Variants in IMPG1 observed in about 807,000 individuals in gnomAD.
The protein encoded by IMPG1 is interphotoreceptor matrix proteoglycan 1.
Under a neutral mutation model 92.0 loss-of-function variants are expected in IMPG1, and 85 were observed. That is an observed-to-expected ratio of 0.92 (90% confidence interval 0.78 to 1.11). The LOEUF (loss-of-function observed/expected upper bound fraction) is 1.11, where lower values mean the gene tolerates loss of function less well. Among genes scored for constraint, IMPG1 ranks in the 50% least tolerant of loss-of-function variants. The pLI, the probability that IMPG1 is intolerant of heterozygous loss-of-function variation, is 0.00. For missense variants in IMPG1, 1,022 were observed against 956.0 expected (o/e 1.07, Z -0.91); for synonymous variants, 367 against 334.1 (o/e 1.10, Z -1.08).
chr6:76,065,663 A>T (rs1784297037), intron 1 of IMPG1, among the ~76,000 whole-genome samples: 1 of 152,110 alleles, frequency 6.6e-6, no homozygotes, highest in African/African-American at 2.4e-5. Flanking sequence ...ATAATTTAGG[A>T]AATTCAGGAA....
intron 1 of IMPG1, among the ~76,000 whole-genome samples, chr6:76,044,780 T>G (rs910095115): frequency 1.3e-5 from 2 of 152,178 alleles, no homozygotes; most frequent in African/African-American, 4.8e-5. Flanking sequence ...TACTCTACCC[T>G]GGCTCTGGGA....
At chr6:75,948,409 T>C (rs1459114705) in intron 13 of IMPG1, among the ~76,000 whole-genome samples, 1 of 152,110 alleles carries the variant, frequency 6.6e-6, no homozygotes, top group Non-Finnish European at 1.5e-5. Context: ...CCAGAAAGCA[T>C]AGAGATGCAA....
intron 4 of IMPG1, among the ~76,000 whole-genome samples, chr6:76,030,508 G>A (rs944251536): frequency 2.6e-4 from 39 of 152,036 alleles, no homozygotes; most frequent in East Asian, 1.9e-4. Flanking sequence ...CTCTCTTCAC[G>A]GATAGGTAAT....
intron 1 of IMPG1, among the ~76,000 whole-genome samples, chr6:76,052,221 G>A (rs1054538648): frequency 6.6e-6 from 1 of 152,132 alleles, no homozygotes; most frequent in East Asian, 1.9e-4. Flanking sequence ...GAAGAGGTAG[G>A]AGTCTAGCAG....
chr6:76,064,929 C>A (rs1784281877), intron 1 of IMPG1, among the ~76,000 whole-genome samples: 1 of 152,112 alleles, frequency 6.6e-6, no homozygotes, highest in South Asian at 2.1e-4. Flanking sequence ...TGAACTTGCT[C>A]ACATGCCTAG....
intron 4 of IMPG1, among the ~76,000 whole-genome samples, chr6:76,027,962 GC>G (rs1221825774): frequency 1.3e-5 from 2 of 152,158 alleles, no homozygotes; most frequent in African/African-American, 4.8e-5. Flanking sequence ...AGTCCAGAGA[GC>G]CCCTAGAATG....
chr6:76,026,339 A>C (rs147183708), intron 4 of IMPG1, among the ~76,000 whole-genome samples: 2 of 152,318 alleles, frequency 1.3e-5, no homozygotes, highest in East Asian at 3.9e-4. Context: ...TGGTGAGTGA[A>C]ATGGGGACTC....
At chr6:76,055,490 T>C (rs1933482) in intron 1 of IMPG1, among the ~76,000 whole-genome samples, 151,552 of 151,884 alleles carry the variant, frequency 1, 75,610 homozygotes, top group Non-Finnish European at 1. Context: ...GCATCCATCT[T>C]AAAAGAGTGG....
In IMPG1 at chr6:76,034,313, G is replaced by A. The variant is rs1452139379; in HGVS notation, c.497+2C>T. ...CACACACACTCTATTTTGGGTACTT[G>A]CCTGTCAGGGAAACTTCTCTGTTTT... On this transcript the variant is annotated splice_donor_variant, in intron 4 of 16. Transcript: ENST00000369950. LOFTEE classifies it low-confidence loss of function (GC_TO_GT_DONOR). 4 of 1,612,620 alleles carry A rather than the reference G, an allele frequency of 2.5e-6. No individual in the cohort carries two copies. Among genetic ancestry groups the A allele is most frequent in the Non-Finnish European group, 3.4e-6 (4 of 1,178,848 alleles).
At chr6:75,994,669 G>C (rs1472734690) in intron 12 of IMPG1, among the ~76,000 whole-genome samples, 1 of 152,154 alleles carries the variant, frequency 6.6e-6, no homozygotes, top group Admixed American at 6.5e-5. Flanking sequence ...CACTATCACA[G>C]AACAGCACGG....
rs186780132 is a variant in IMPG1, at chr6:75,961,889, G to A, written c.1292-10795C>T. 7.7e-4 allele frequency among the ~76,000 whole-genome samples: 117 copies of A among 152,178 alleles called. 2 individuals carry two copies. The highest frequency in any genetic ancestry group is 7.2e-3 in the Admixed American group (110 of 15,292). Reference sequence around the variant, plus strand: ...TTTTTCCCAGGCACCTTTTCTTAGCGTGTGTTTACCTAAAATGAGGTTGTA... The same window carrying A: ...TTTTTCCCAGGCACCTTTTCTTAGCATGTGTTTACCTAAAATGAGGTTGTA... On this transcript the variant is annotated intron_variant, in intron 12 of 16. Transcript: ENST00000369950.
At chr6:75,996,406 G>A (rs1450796448) in intron 12 of IMPG1, among the ~76,000 whole-genome samples, 1 of 152,152 alleles carries the variant, frequency 6.6e-6, no homozygotes, top group Non-Finnish European at 1.5e-5. Context: ...GGAAGGAAGA[G>A]AAAGATGCAA....
At chr6:76,047,667 C>A (rs1384229671) in intron 1 of IMPG1, among the ~76,000 whole-genome samples, 1 of 151,954 alleles carries the variant, frequency 6.6e-6, no homozygotes, top group Non-Finnish European at 1.5e-5. Context: ...GACAGAGATG[C>A]AATACATATT....
At chr6:75,932,424 A>G (rs1781681230) in intron 14 of IMPG1, among the ~76,000 whole-genome samples, 1 of 152,110 alleles carries the variant, frequency 6.6e-6, no homozygotes, top group South Asian at 2.1e-4. Flanking sequence ...TATTTTGATG[A>G]CCCTCTTTAC....
At chr6:75,965,011 C>T (rs1582071057) in intron 12 of IMPG1, among the ~76,000 whole-genome samples, 1 of 152,130 alleles carries the variant, frequency 6.6e-6, no homozygotes, top group East Asian at 1.9e-4. Flanking sequence ...GAGATTCATC[C>T]AAATTGTGTG....
intron 12 of IMPG1, among the ~76,000 whole-genome samples, chr6:75,976,544 G>A (rs948004002): frequency 6.6e-6 from 1 of 151,920 alleles, no homozygotes; most frequent in Non-Finnish European, 1.5e-5. Context: ...CTGGGCGACA[G>A]AGCGAGACTC....
chr6:75,938,717 A>G (rs528730969), intron 14 of IMPG1, among the ~76,000 whole-genome samples: 5 of 152,090 alleles, frequency 3.3e-5, no homozygotes, highest in Non-Finnish European at 5.9e-5. Flanking sequence ...GGAGGCTGAG[A>G]CAGGAGAATC....
chr6:76,005,234 T>G, intron 10 of IMPG1, 53 bp downstream of exon 10: 3 of 1,579,332 alleles, frequency 1.9e-6, no homozygotes, highest in Non-Finnish European at 2.6e-6. Flanking sequence ...ATTCACATTC[T>G]TAGTCTCTGC....
chr6:76,003,863 A>C lies in IMPG1; in HGVS notation c.1212+11T>G. 1 of 1,605,664 alleles carries C rather than the reference A, an allele frequency of 6.2e-7. No individual in the cohort carries two copies. The highest frequency in any genetic ancestry group is 8.5e-7 in the Non-Finnish European group (1 of 1,174,810). On this transcript the variant is annotated intron_variant, in intron 11 of 16. Coordinates refer to ENST00000369950, the MANE Select transcript of IMPG1 (RefSeq NM_001563.4). ...GTTCCTAGTTAAAGAACAAAAGGACAACAAACTTACCTCTGTTATAACAGC... is the reference window on the plus strand; with the variant it reads ...GTTCCTAGTTAAAGAACAAAAGGACCACAAACTTACCTCTGTTATAACAGC...
Sources: gnomAD v4.1 joint callset for allele counts (sites outside exome capture counted in the v4.1 genomes callset) on GRCh38, gnomAD v4.1.1 for gene constraint, MANE v1.5 for transcripts, NCBI Gene and HGNC (gene_info 2026-07-23, HGNC 2026-07-21) for gene names.